The following AREL1 variants were observed in gnomAD, a reference collection of about 807,000 sequenced individuals.
AREL1 encodes apoptosis resistant E3 ubiquitin protein ligase 1.
A neutral mutation model predicts 99.0 loss-of-function variants in AREL1; 62 were observed. That is an observed-to-expected ratio of 0.63 (90% confidence interval 0.51 to 0.77). The LOEUF (loss-of-function observed/expected upper bound fraction) is 0.77. Among genes scored for constraint, AREL1 ranks in the 30% least tolerant of loss-of-function variants. The pLI is 0.00. For synonymous variants in AREL1, 380 were observed against 376.5 expected (o/e 1.01, Z -0.11); for missense variants, 879 against 1,027.6 (o/e 0.86, Z 1.98).
At chr14:74,677,052 G>A (rs997916062) in intron 5 of AREL1, among the ~76,000 whole-genome samples, 9 of 151,946 alleles carry the variant, frequency 5.9e-5, no homozygotes, top group Non-Finnish European at 1.3e-4. Context: ...GCCCGCCTTG[G>A]CCTCCCAAAG....
chr14:74,709,730 C>A (rs1468783507), intron 1 of AREL1, among the ~76,000 whole-genome samples: 1 of 152,150 alleles, frequency 6.6e-6, no homozygotes, highest in East Asian at 1.9e-4. Flanking sequence ...AAAAAAAGTC[C>A]TATCATGTAA....
At chr14:74,703,590 T>C (rs1043196227) in intron 1 of AREL1, among the ~76,000 whole-genome samples, 1 of 152,188 alleles carries the variant, frequency 6.6e-6, no homozygotes, top group African/African-American at 2.4e-5. Flanking sequence ...ACACGCAAAA[T>C]GTAGTCCTTC....
intron 1 of AREL1, among the ~76,000 whole-genome samples, chr14:74,708,861 C>T (rs931986322): frequency 4.6e-5 from 7 of 152,204 alleles, no homozygotes; most frequent in African/African-American, 1.7e-4. Context: ...GAATACCCAT[C>T]TTTCTCTATA....
chr14:74,676,810 T>C (rs945510752), intron 5 of AREL1, 58 bp from the exon 6 acceptor site: 115 of 1,335,972 alleles, frequency 8.6e-5, no homozygotes, highest in Non-Finnish European at 9.8e-5. Flanking sequence ...ATTTTTATTT[T>C]TTTTGAGATG....
At chr14:74,669,580 C>G in intron 15 of AREL1, 69 bp downstream of exon 15, 1 of 1,550,250 alleles carries the variant, frequency 6.5e-7, no homozygotes. Flanking sequence ...GCAGAAAGTT[C>G]TCTTAGACAG....
intron 5 of AREL1, among the ~76,000 whole-genome samples, chr14:74,677,240 A>G (rs2139894791): frequency 6.6e-6 from 1 of 150,434 alleles, no homozygotes; most frequent in South Asian, 2.2e-4. Context: ...CACACGTGTA[A>G]TCCCAGCACT....
chr14:74,690,264 C>CAAAA (rs5809676), intron 2 of AREL1, among the ~76,000 whole-genome samples: 4 of 73,112 alleles, frequency 5.5e-5, no homozygotes, highest in African/African-American at 1.2e-4. Flanking sequence ...ACCCTGTCTC[C>CAAAA]AAAAAAAAAA....
chr14:74,688,823 ATTTTATTTTTAT>A (rs369600809), intron 2 of AREL1, among the ~76,000 whole-genome samples: 14 of 151,164 alleles, frequency 9.3e-5, no homozygotes, highest in South Asian at 6.3e-4. Flanking sequence ...AAGCCCTTCT[ATTTTATTTTTAT>A]TTTTATTTTT....
intron 13 of AREL1, 160 bp from the exon 14 acceptor site, chr14:74,670,286 T>G: frequency 1.6e-6 from 1 of 614,886 alleles, no homozygotes; most frequent in South Asian, 3.2e-5. Flanking sequence ...CACTGAGTAA[T>G]TCAAAGTGAC....
At chr14:74,712,068 G>GAAAAAAAAAAAA (rs1365570759) in intron 1 of AREL1, 3 of 61,728 alleles carry the variant, frequency 4.9e-5, no homozygotes, top group Non-Finnish European at 9.5e-5. Flanking sequence ...AAAAAAAAAA[G>GAAAAAAAAAAAA]AAAAAAAAAG....
At chr14:74,711,563 T>C (rs1374767389) in intron 1 of AREL1, among the ~76,000 whole-genome samples, 1 of 151,616 alleles carries the variant, frequency 6.6e-6, no homozygotes. Flanking sequence ...TAAAATAAAA[T>C]AAAATAAAAT....
chr14:74,707,896 G>T lies in AREL1; in HGVS notation c.-334+5037C>A, dbSNP rs1442238403. Among the ~76,000 whole-genome samples, 4 of 151,194 alleles carry T rather than the reference G, an allele frequency of 2.6e-5. 1 individual carries two copies. The highest frequency in any genetic ancestry group is 5.9e-5 in the Non-Finnish European group (4 of 67,880). On this transcript the variant is annotated intron_variant, in intron 1 of 19. Transcript: ENST00000356357. ...GGCGTGAACCCGGGAGGCGGAGCTT[G>T]CAGTGAGCCGAGATGGCGCCACTGC... is the stretch of plus-strand genomic sequence containing the variant.
At chr14:74,672,306 T>C (rs746786671) in intron 11 of AREL1, among the ~76,000 whole-genome samples, 2 of 152,146 alleles carry the variant, frequency 1.3e-5, no homozygotes, top group Non-Finnish European at 2.9e-5. Flanking sequence ...TTTAGTAGAA[T>C]CAAATAGAAG....
chr14:74,661,544 C>G lies in AREL1; in HGVS notation c.*2176G>C. ...AGAAAATTGCCCAAGAAATAACACT[C>G]TCTCATCTCTTTGACATATTGTACC... is the stretch of plus-strand genomic sequence containing the variant. On this transcript the variant is annotated 3_prime_UTR_variant, in exon 20 of 20. Coordinates refer to ENST00000356357, the MANE Select transcript of AREL1 (RefSeq NM_001039479.2). 3.7e-6 allele frequency: 1 copy of G among 273,654 alleles called. No individual in the cohort carries two copies. Among genetic ancestry groups the G allele is most frequent in the Non-Finnish European group, 7.3e-6 (1 of 136,066 alleles). The allele number at this position is 273,654 out of a possible 1,614,324, so 17.0% of individuals were successfully genotyped here. A position where few individuals can be genotyped will look rare whatever the true frequency, so the allele number is the denominator to read the frequency against.
At chr14:74,700,200 A>T (rs1021430501) in intron 1 of AREL1, among the ~76,000 whole-genome samples, 1 of 152,268 alleles carries the variant, frequency 6.6e-6, no homozygotes, top group Non-Finnish European at 1.5e-5. Flanking sequence ...CAGGCATTGT[A>T]TAAAGTGCTA....
intron 2 of AREL1, among the ~76,000 whole-genome samples, chr14:74,687,247 G>A (rs17183139): frequency 0.23 from 34,514 of 152,058 alleles, 4,078 homozygotes; most frequent in South Asian, 0.32. Flanking sequence ...TAAAAGCAGT[G>A]CCAAATGTAT....
At chr14:74,696,484 C>G (rs559870394) in intron 1 of AREL1, among the ~76,000 whole-genome samples, 77 of 152,140 alleles carry the variant, frequency 5.1e-4, no homozygotes, top group African/African-American at 1.8e-3. Flanking sequence ...AATACTGTAT[C>G]CGGGTTGCTA....
intron 13 of AREL1, among the ~76,000 whole-genome samples, 168 bp from the exon 14 acceptor site, chr14:74,670,294 G>C (rs2089305083): frequency 6.6e-6 from 1 of 152,170 alleles, no homozygotes; most frequent in Non-Finnish European, 1.5e-5. Context: ...AATTCAAAGT[G>C]ACTAGAAGAT....
rs984521592 is a variant in AREL1 at position 74,692,050 on chromosome 14, A to T, written c.-55T>A. 5 of 390,786 alleles carry T rather than the reference A, an allele frequency of 1.3e-5. No individual in the cohort carries two copies. Among genetic ancestry groups the T allele is most frequent in the Admixed American group, 4.0e-5 (1 of 24,934 alleles). 24.2% of individuals were successfully genotyped at this position (390,786 alleles called of 1,614,324 possible). ...CAGTCTGTTACCTTACCTTTAAACGAGGGCCCATGTTCTGAGAACCAAGTA... is the reference window on the plus strand; with the variant it reads ...CAGTCTGTTACCTTACCTTTAAACGTGGGCCCATGTTCTGAGAACCAAGTA... On this transcript the variant is annotated 5_prime_UTR_variant, in exon 2 of 20. Transcript: ENST00000356357.
Sources: allele counts gnomAD v4.1 joint callset (sites outside exome capture counted in the v4.1 genomes callset), GRCh38; gene constraint gnomAD v4.1.1; transcripts MANE v1.5; gene names NCBI Gene and HGNC (gene_info 2026-07-23, HGNC 2026-07-21).